Variants in PRICKLE2 observed in about 807,000 individuals in gnomAD.
PRICKLE2 encodes the protein prickle-like protein 2.
PRICKLE2 carries 21 observed loss-of-function variants against 81.4 expected under a neutral mutation model. The ratio of observed to expected loss-of-function variants is 0.26; its 90% CI spans 0.18 to 0.37. The LOEUF (loss-of-function observed/expected upper bound fraction) is 0.37, where lower values mean the gene tolerates loss of function less well. PRICKLE2 is among the 10% of genes least tolerant of loss of function. The probability of loss-of-function intolerance (pLI) is 1.00; values close to 1 mark genes in which losing one functional copy is unlikely to be tolerated. For missense variants in PRICKLE2, 940 were observed against 1,109.0 expected (o/e 0.85, Z 2.16); for synonymous variants, 456 against 421.5 (o/e 1.08, Z -1.00).
intron 1 of PRICKLE2, chr3:64,199,210 A>G: frequency 1.7e-6 from 1 of 594,600 alleles, no homozygotes; most frequent in Non-Finnish European, 3.0e-6. Context: ...GGGTGTTTAC[A>G]TGTGGACCCC....
intron 7 of PRICKLE2, among the ~76,000 whole-genome samples, chr3:64,144,397 T>C (rs778443966): frequency 6.6e-6 from 1 of 152,238 alleles, no homozygotes; most frequent in Non-Finnish European, 1.5e-5. Context: ...TTAAGCAAGC[T>C]AATATTTATG....
intron 2 of PRICKLE2, among the ~76,000 whole-genome samples, chr3:64,232,641 A>G (rs73832130): frequency 6.6e-6 from 1 of 152,116 alleles, no homozygotes; most frequent in South Asian, 2.1e-4. Context: ...GTATATCTAC[A>G]TTTGCTTCTC....
At chr3:64,177,091 G>T (rs1301176736) in intron 2 of PRICKLE2, among the ~76,000 whole-genome samples, 1 of 126,626 alleles carries the variant, frequency 7.9e-6, no homozygotes, top group African/African-American at 3.0e-5. Context: ...ATTTTTTATT[G>T]TGGTATACAC....
chr3:64,155,366 G>GAA (rs56209328), intron 5 of PRICKLE2, among the ~76,000 whole-genome samples: 127 of 146,694 alleles, frequency 8.7e-4, no homozygotes, highest in Middle Eastern at 7.1e-3. Context: ...TAGCTATAAT[G>GAA]AAAAAAAAAA....
At position 64,094,416 on chromosome 3, in the gene PRICKLE2, A is replaced by C. The variant is rs2076542005; in HGVS notation, c.*4635T>G. The C allele has an allele frequency of 6.6e-6, 1 of 152,242 alleles. No homozygotes were observed. Among genetic ancestry groups the C allele is most frequent in the Non-Finnish European group, 1.5e-5 (1 of 68,052 alleles). 9.4% of individuals were successfully genotyped at this position (152,242 alleles called of 1,614,324 possible). On this transcript the variant is annotated 3_prime_UTR_variant, in exon 8 of 8. Coordinates refer to ENST00000638394, the MANE Select transcript of PRICKLE2 (RefSeq NM_198859.4). ...CAAGCAGAGTGAAGGGATATCTCAG[A>C]GAACTCTCAGAATAGAACAAGCAGA...
At chr3:64,181,683 C>T (rs1027990505) in intron 2 of PRICKLE2, among the ~76,000 whole-genome samples, 5 of 151,982 alleles carry the variant, frequency 3.3e-5, no homozygotes, top group African/African-American at 1.2e-4. Flanking sequence ...TTTCAGAATC[C>T]GTTGTTAATG....
chr3:64,216,936 C>A (rs1214324490), intron 1 of PRICKLE2, among the ~76,000 whole-genome samples: 1 of 152,180 alleles, frequency 6.6e-6, no homozygotes, highest in East Asian at 1.9e-4. Flanking sequence ...GACAGGCTTT[C>A]CTGGCAACTT....
chr3:64,184,171 A>T (rs2078181848), intron 2 of PRICKLE2, among the ~76,000 whole-genome samples: 1 of 152,242 alleles, frequency 6.6e-6, no homozygotes, highest in African/African-American at 2.4e-5. Context: ...TTTTCAAAAC[A>T]ATTGGCCATT....
At chr3:64,170,402 C>T (rs571730185) in intron 2 of PRICKLE2, among the ~76,000 whole-genome samples, 5 of 152,206 alleles carry the variant, frequency 3.3e-5, no homozygotes, top group Non-Finnish European at 7.3e-5. Context: ...TTTTCCACCA[C>T]CCCTGCAGGA....
At chr3:64,189,904 T>C (rs1217062781) in intron 2 of PRICKLE2, among the ~76,000 whole-genome samples, 6 of 152,156 alleles carry the variant, frequency 3.9e-5, no homozygotes, top group Non-Finnish European at 4.4e-5. Flanking sequence ...ATCAAGGGGA[T>C]GGATGATTAA....
intron 7 of PRICKLE2, among the ~76,000 whole-genome samples, chr3:64,111,594 T>C (rs573146026): frequency 6.6e-6 from 1 of 152,354 alleles, no homozygotes; most frequent in Non-Finnish European, 1.5e-5. Flanking sequence ...TGTATAGTTT[T>C]CTATTGTATA....
chr3:64,165,150 T>C (rs2077808577), intron 2 of PRICKLE2, among the ~76,000 whole-genome samples: 1 of 152,162 alleles, frequency 6.6e-6, no homozygotes, highest in Non-Finnish European at 1.5e-5. Flanking sequence ...CCATCGACCC[T>C]CCTCTTAATC....
intron 2 of PRICKLE2, among the ~76,000 whole-genome samples, chr3:64,266,067 G>A (rs956068001): frequency 6.6e-6 from 1 of 152,114 alleles, no homozygotes; most frequent in Non-Finnish European, 1.5e-5. Flanking sequence ...AGGAAAGACT[G>A]CCTTGTAACA....
intron 1 of PRICKLE2, among the ~76,000 whole-genome samples, chr3:64,223,103 C>G (rs992820965): frequency 6.6e-6 from 1 of 152,196 alleles, no homozygotes; most frequent in Non-Finnish European, 1.5e-5. Context: ...TTTCTGCTAG[C>G]AAAACCTTTC....
At chr3:64,157,096 C>T in intron 5 of PRICKLE2, 66 bp downstream of exon 5, 1 of 1,440,516 alleles carries the variant, frequency 6.9e-7, no homozygotes, top group East Asian at 2.3e-5. Flanking sequence ...AGCCAGAAGA[C>T]CATGTGTTGG....
chr3:64,195,729 A>G (rs957127298), intron 2 of PRICKLE2, among the ~76,000 whole-genome samples: 2 of 152,240 alleles, frequency 1.3e-5, no homozygotes, highest in African/African-American at 4.8e-5. Context: ...ACTTTAAAAG[A>G]TCTTCCAATT....
intron 2 of PRICKLE2, among the ~76,000 whole-genome samples, chr3:64,252,416 C>G (rs1046861813): frequency 1.8e-4 from 27 of 152,288 alleles, no homozygotes; most frequent in African/African-American, 6.5e-4. Context: ...CTTGGGTGAA[C>G]TGTTGGAGAA....
chr3:64,093,958 CAA>C lies in PRICKLE2; in HGVS notation c.*5091_*5092del, dbSNP rs569811683. The C allele has an allele frequency of 5.9e-4, 90 of 152,730 alleles. No homozygotes were observed. Among genetic ancestry groups the C allele is most frequent in the African/African-American group, 2.0e-3 (83 of 41,574 alleles). 9.5% of individuals were successfully genotyped at this position (152,730 alleles called of 1,614,324 possible). ...CATTTTACAGGGCACGGATCTCAAG[CAA>C]AGTGTTCAGAACAGTCTCTGGCAGA... is the stretch of plus-strand genomic sequence containing the variant. On this transcript the variant is annotated 3_prime_UTR_variant, in exon 8 of 8. Coordinates refer to ENST00000638394, the MANE Select transcript of PRICKLE2 (RefSeq NM_198859.4).
rs754246062 is a variant in PRICKLE2, at chr3:64,146,885, G to A, written c.1605C>T (p.Pro535=). The A allele has an allele frequency of 6.2e-7, 1 of 1,614,150 alleles. No homozygotes were observed. Among genetic ancestry groups the A allele is most frequent in the South Asian group, 1.1e-5 (1 of 91,072 alleles). ...SSLKYTEDMT[P]TEQTPRGSME... ...TGGAGCCCCGAGGGGTCTGCTCTGTGGGCGTCATGTCCTCTGTGTATTTCA... is the reference window on the plus strand; with the variant it reads ...TGGAGCCCCGAGGGGTCTGCTCTGTAGGCGTCATGTCCTCTGTGTATTTCA... The change falls in exon 7 of 8, where the codon CCC becomes CCT. Residue 535 remains proline (P), a synonymous_variant. Coordinates refer to ENST00000638394, the MANE Select transcript of PRICKLE2 (RefSeq NM_198859.4).
Sources: gnomAD v4.1 joint callset for allele counts (sites outside exome capture counted in the v4.1 genomes callset) on GRCh38, gnomAD v4.1.1 for gene constraint, MANE v1.5 for transcripts, NCBI Gene and HGNC (gene_info 2026-07-23, HGNC 2026-07-21) for gene names.